CYP3A7: variants seen among roughly 807,000 people sequenced by gnomAD.
CYP3A7 encodes the protein cytochrome P450 3A7.
In CYP3A7, 45 loss-of-function variants were observed where a neutral mutation model predicts 55.2. The ratio of observed to expected loss-of-function variants is 0.82; its 90% CI spans 0.64 to 1.05. The LOEUF (loss-of-function observed/expected upper bound fraction) is 1.05. Ranked by LOEUF, CYP3A7 falls within the 50% of genes least tolerant of loss-of-function variation. The probability of loss-of-function intolerance (pLI) is 0.00; values close to 1 mark genes in which losing one functional copy is unlikely to be tolerated. For synonymous variants in CYP3A7, 180 were observed against 207.4 expected (o/e 0.87, Z 1.13); for missense variants, 548 against 605.3 (o/e 0.91, Z 0.99).
chr7:99,706,701 T>C lies in CYP3A7; in HGVS notation c.1417-1106A>G, dbSNP rs146755186. On this transcript the variant is annotated intron_variant, in intron 12 of 12. Coordinates refer to ENST00000336374, the MANE Select transcript of CYP3A7 (RefSeq NM_000765.5). The stretch of plus-strand genomic sequence containing the variant: ...TATTTTCCCTGCAGACAGACATGCA[T>C]GTGCACATGTGCAAGCACACACACA... 1.1e-4 allele frequency among the ~76,000 whole-genome samples: 16 copies of C among 152,370 alleles called. No homozygotes were observed. In the East Asian group the frequency reaches 3.1e-3, roughly 29 times the overall value.
chr7:99,715,838 T>C lies in CYP3A7; in HGVS notation c.590A>G (p.Asn197Ser), dbSNP rs1335974230. 1.2e-6 allele frequency: 2 copies of C among 1,613,970 alleles called. No homozygotes were observed. The highest frequency in any genetic ancestry group is 2.2e-5 in the South Asian group (2 of 91,084). The part of the protein sequence containing the change: ...TSFGVSIDSL[N>S]NPQDPFVENT... ...TTCCACAAAGGGGTCTTGTGGATTG[T>C]TGAGAGAGTCGATGCTCACTCCAAA... The change falls in exon 7 of 13, where the codon AAC becomes AGC. Residue 197 changes from asparagine (N) to serine (S), a missense_variant. Coordinates refer to ENST00000336374, the MANE Select transcript of CYP3A7 (RefSeq NM_000765.5).
chr7:99,730,851 G>T, intron 2 of CYP3A7: 1 of 572,134 alleles, frequency 1.7e-6, no homozygotes, highest in South Asian at 2.1e-5. Flanking sequence ...TGACATTTGG[G>T]CTGTCCAACT....
chr7:99,710,998 A>C (rs1813729012), intron 9 of CYP3A7, 106 bp from the exon 10 acceptor site: 3 of 1,574,090 alleles, frequency 1.9e-6, no homozygotes, highest in Non-Finnish European at 2.6e-6. Context: ...AGGGGAAAAA[A>C]TAGAAAAGCA....
intron 2 of CYP3A7, among the ~76,000 whole-genome samples, chr7:99,727,063 G>A (rs1814438936): frequency 6.6e-6 from 1 of 152,140 alleles, no homozygotes; most frequent in Non-Finnish European, 1.5e-5. Context: ...GACCCCATAA[G>A]TCCTAAATCC....
chr7:99,734,351 C>T (rs535524477), intron 1 of CYP3A7, among the ~76,000 whole-genome samples: 2 of 152,280 alleles, frequency 1.3e-5, no homozygotes, highest in East Asian at 3.9e-4. Context: ...GCCAGGATCT[C>T]ACTGGTGAGA....
chr7:99,708,329 A>G (rs1813597852), intron 11 of CYP3A7, among the ~76,000 whole-genome samples: 1 of 152,194 alleles, frequency 6.6e-6, no homozygotes, highest in African/African-American at 2.4e-5. Flanking sequence ...TCCTGCCTCA[A>G]GTCACCCTTA....
chr7:99,708,957 C>T, intron 11 of CYP3A7, 78 bp downstream of exon 11: 1 of 1,497,756 alleles, frequency 6.7e-7, no homozygotes, highest in Admixed American at 1.7e-5. Flanking sequence ...TGTACAAGCC[C>T]AGACTGTCCT....
chr7:99,725,451 A>T (rs2687139), intron 2 of CYP3A7, among the ~76,000 whole-genome samples: 1 of 152,046 alleles, frequency 6.6e-6, no homozygotes, highest in Non-Finnish European at 1.5e-5. Flanking sequence ...AGACAACCCA[A>T]GACCATGTCT....
At chr7:99,719,996 G>A (rs755994357) in intron 4 of CYP3A7, among the ~76,000 whole-genome samples, 5 of 151,818 alleles carry the variant, frequency 3.3e-5, no homozygotes, top group Non-Finnish European at 7.4e-5. Context: ...GACTCAGTCC[G>A]AAAAACAAAC....
chr7:99,720,641 G>T, intron 3 of CYP3A7: 1 of 470,556 alleles, frequency 2.1e-6, no homozygotes, highest in Non-Finnish European at 3.9e-6. Context: ...AGGGAAGAGA[G>T]ATTGAAAGAC....
At chr7:99,723,406 C>G (rs1324753985) in intron 2 of CYP3A7, among the ~76,000 whole-genome samples, 1 of 152,188 alleles carries the variant, frequency 6.6e-6, no homozygotes, top group Non-Finnish European at 1.5e-5. Flanking sequence ...AGATAACTTC[C>G]TTTAACTGCA....
chr7:99,721,496 A>G (rs994872556), intron 3 of CYP3A7, among the ~76,000 whole-genome samples: 3 of 152,222 alleles, frequency 2.0e-5, no homozygotes, highest in Admixed American at 2.0e-4. Flanking sequence ...GAGACAATGC[A>G]TGTGATAAAA....
At chr7:99,734,052 A>G (rs946244205) in intron 1 of CYP3A7, among the ~76,000 whole-genome samples, 2 of 152,234 alleles carry the variant, frequency 1.3e-5, no homozygotes, top group Non-Finnish European at 2.9e-5. Flanking sequence ...CAGAAGGAAC[A>G]TGCTGGAAAT....
Position 99,717,509 on chromosome 7 carries a change from C to A in CYP3A7, c.432+17G>T. The A allele has an allele frequency of 6.2e-7, 1 of 1,613,264 alleles. No homozygotes were observed. The highest frequency in any genetic ancestry group is 8.5e-7 in the Non-Finnish European group (1 of 1,179,628). ...CATTCTTTAAGTTTCTAATTAAAAC[C>A]CAAGTTATTTTCATACCTCCTTGAG... On this transcript the variant is annotated intron_variant, in intron 5 of 12. Transcript: ENST00000336374.
At chr7:99,710,261 A>G (rs1391773377) in intron 10 of CYP3A7, among the ~76,000 whole-genome samples, 1 of 152,192 alleles carries the variant, frequency 6.6e-6, no homozygotes, top group African/African-American at 2.4e-5. Flanking sequence ...GAAGTCAGAT[A>G]CCCTGGTTCC....
Position 99,709,130 on chromosome 7 carries a change from C to T in CYP3A7, c.1158G>A (p.Met386Ile). Reference protein sequence around the residue: ...VCKKDVEINGMFIPKGVVVMI... With the variant: ...VCKKDVEINGIFIPKGVVVMI... The stretch of plus-strand genomic sequence containing the variant: ...TCACCACCACCCCTTTGGGAATAAA[C>T]ATCCCATTGATTTCAACATCTTTTT... The change falls in exon 11 of 13, where the codon ATG becomes ATA. Residue 386 changes from methionine (M) to isoleucine (I), a missense_variant. By Grantham distance (10) the Met-to-Ile change is conservative (BLOSUM62 1). Coordinates refer to ENST00000336374, the MANE Select transcript of CYP3A7 (RefSeq NM_000765.5). The T allele has an allele frequency of 4.3e-6, 7 of 1,614,016 alleles. No homozygotes were observed. The highest frequency in any genetic ancestry group is 1.3e-5 in the African/African-American group (1 of 75,028).
rs1469403829 is a variant in CYP3A7 at position 99,714,508 on chromosome 7, A to G, written c.798+47T>C. 4.4e-6 allele frequency: 7 copies of G among 1,606,694 alleles called. No homozygotes were observed. The South Asian group carries it at 6.6e-5, about 15-fold the overall frequency. ...CACCGATCATATGTATATTTCTAAA[A>G]AATTATGAAAACTAAACATCCTCCT... On this transcript the variant is annotated intron_variant, in intron 8 of 12. Coordinates refer to ENST00000336374, the MANE Select transcript of CYP3A7 (RefSeq NM_000765.5).
chr7:99,713,701 C>G (rs1461161476), intron 8 of CYP3A7, among the ~76,000 whole-genome samples, 166 bp from the exon 9 acceptor site: 1 of 152,122 alleles, frequency 6.6e-6, no homozygotes, highest in Non-Finnish European at 1.5e-5. Flanking sequence ...CCATCTAAAT[C>G]CTTGGAAAGC....
In CYP3A7 at chr7:99,713,473, G is replaced by A. The variant is rs1015451532; in HGVS notation, c.861C>T (p.His287=). 3.1e-6 allele frequency: 5 copies of A among 1,613,308 alleles called. No homozygotes were observed. In the African/African-American group the frequency reaches 5.3e-5, roughly 17 times the overall value. ...DSQNSKDSET[H]KALSDLELMA... is the part of the protein sequence containing the mutation. ...TCAGAAGCACTCTTTTGTTACCTTT[G>A]TGGGTCTCAGAGTCTTTTGAATTCT... Residue 287 remains histidine (H), a synonymous_variant, in exon 9 of 13, where the codon CAC becomes CAT. Transcript: ENST00000336374.
Sources: gnomAD v4.1 joint callset for allele counts (sites outside exome capture counted in the v4.1 genomes callset) on GRCh38, gnomAD v4.1.1 for gene constraint, MANE v1.5 for transcripts, NCBI Gene and HGNC (gene_info 2026-07-23, HGNC 2026-07-21) for gene names.